The following MPPED1 variants were observed in gnomAD, a reference collection of about 807,000 sequenced individuals.
The protein encoded by MPPED1 is metallophosphoesterase domain-containing protein 1.
A neutral mutation model predicts 36.2 loss-of-function variants in MPPED1; 16 were observed. The observed-to-expected ratio is 0.44, with a 90% CI of 0.30 to 0.67. The LOEUF (loss-of-function observed/expected upper bound fraction) is 0.67. Among genes scored for constraint, MPPED1 ranks in the 30% least tolerant of loss-of-function variants. The probability of loss-of-function intolerance (pLI) is 0.10; values close to 1 mark genes in which losing one functional copy is unlikely to be tolerated. For synonymous variants in MPPED1, 199 were observed against 191.3 expected, an observed-to-expected ratio of 1.04 and a Z score of -0.33; for missense variants, 307 against 453.4, an observed-to-expected ratio of 0.68 and a Z score of 2.93.
intron 1 of MPPED1, among the ~76,000 whole-genome samples, chr22:43,415,843 C>A (rs1319190726): frequency 6.6e-6 from 1 of 152,220 alleles, no homozygotes; most frequent in Non-Finnish European, 1.5e-5. Flanking sequence ...CCCGTCTCCT[C>A]CTTCCAAGAA....
At chr22:43,447,003 C>T (rs1442935740) in intron 3 of MPPED1, among the ~76,000 whole-genome samples, 2 of 152,296 alleles carry the variant, frequency 1.3e-5, no homozygotes, top group Non-Finnish European at 2.9e-5. Context: ...TGCAGCTCAC[C>T]TGCCTCCCAG....
At chr22:43,483,697 A>G (rs1277024274) in intron 4 of MPPED1, among the ~76,000 whole-genome samples, 1 of 152,216 alleles carries the variant, frequency 6.6e-6, no homozygotes, top group Non-Finnish European at 1.5e-5. Flanking sequence ...TTGGCCAGCA[A>G]GGTACAATCT....
chr22:43,473,791 C>T (rs923877561), intron 3 of MPPED1, among the ~76,000 whole-genome samples: 42 of 152,094 alleles, frequency 2.8e-4, no homozygotes, highest in African/African-American at 9.4e-4. Context: ...GTGGGTGAGG[C>T]CTGCCGGGCA....
chr22:43,419,553 C>T (rs1311915601), intron 1 of MPPED1, among the ~76,000 whole-genome samples: 1 of 146,590 alleles, frequency 6.8e-6, no homozygotes, highest in Non-Finnish European at 1.5e-5. Context: ...GGGCCAGGTG[C>T]AGCCTCCTGA....
chr22:43,431,118 T>A (rs1353370114), intron 2 of MPPED1, among the ~76,000 whole-genome samples: 1 of 137,282 alleles, frequency 7.3e-6, no homozygotes, highest in Non-Finnish European at 1.5e-5. Context: ...CTCAGCTCAC[T>A]GTAACTTCCG....
chr22:43,442,161 TCTA>T (rs1349617545), intron 3 of MPPED1, among the ~76,000 whole-genome samples: 2 of 151,794 alleles, frequency 1.3e-5, no homozygotes, highest in Non-Finnish European at 2.9e-5. Flanking sequence ...CCTCCTCTCT[TCTA>T]CTTGGGGGTG....
intron 3 of MPPED1, among the ~76,000 whole-genome samples, chr22:43,439,286 T>G (rs1327539789): frequency 6.6e-6 from 1 of 152,226 alleles, no homozygotes; most frequent in Non-Finnish European, 1.5e-5. Context: ...ATATCCCAAA[T>G]GTATTCATGA....
intron 3 of MPPED1, among the ~76,000 whole-genome samples, chr22:43,458,357 C>G (rs905531408): frequency 6.6e-6 from 1 of 151,508 alleles, no homozygotes; most frequent in Non-Finnish European, 1.5e-5. Flanking sequence ...GTGATCTCGG[C>G]TCACTGCAAC....
chr22:43,505,008 T>C lies in MPPED1; in HGVS notation c.863-490T>C, dbSNP rs62638149. On this transcript the variant is annotated intron_variant, in intron 6 of 6. Transcript: ENST00000443721. ...ATGATGATGACGGTGATGGTAATGG[T>C]GGTGGAGGTAACAGTGAAGATGATG... is the stretch of plus-strand genomic sequence containing the variant. 3.8e-4 allele frequency among the ~76,000 whole-genome samples: 57 copies of C among 151,878 alleles called. 1 individual carries two copies. Among genetic ancestry groups the C allele is most frequent in the Non-Finnish European group, 6.2e-4 (42 of 67,968 alleles).
intron 4 of MPPED1, among the ~76,000 whole-genome samples, chr22:43,479,085 C>G (rs1931666770): frequency 6.6e-6 from 1 of 152,118 alleles, no homozygotes; most frequent in African/African-American, 2.4e-5. Context: ...TTGTGCACCC[C>G]CTCCCCAGCT....
Position 43,498,314 on chromosome 22 carries a change from G to A in MPPED1, c.712G>A (p.Gly238Ser). 6.5e-7 allele frequency: 1 copy of A among 1,535,390 alleles called. No individual in the cohort carries two copies. The highest frequency in any genetic ancestry group is 8.7e-7 in the Non-Finnish European group (1 of 1,146,528). The change falls in exon 5 of 7, where the codon GGC (glycine) becomes AGC (serine). Residue 238 changes from glycine (G) to serine (S), a missense_variant. Physicochemically the swap from Gly to Ser is moderately conservative, Grantham distance 56 (BLOSUM62 0). Transcript: ENST00000443721. ...LLEKWNLIPE[G>S]VDILITHGPP... ...GGAGAAATGGAACCTCATTCCCGAA[G>A]GCGTAGACATCCTGATAACCCATGG... is the stretch of plus-strand genomic sequence containing the variant.
intron 4 of MPPED1, among the ~76,000 whole-genome samples, chr22:43,486,763 A>C (rs367991423): frequency 9.2e-5 from 14 of 151,808 alleles, no homozygotes; most frequent in African/African-American, 3.4e-4. Context: ...AGGGGAGGTG[A>C]GCCTTCCTGG....
chr22:43,463,807 T>TTTTCTTTCTTTCTTTCTTTTTTTCTTTC (rs1931044072), intron 3 of MPPED1, among the ~76,000 whole-genome samples: 2 of 112,890 alleles, frequency 1.8e-5, no homozygotes, highest in Non-Finnish European at 3.7e-5. Flanking sequence ...TCATTTTTTC[T>TTTTCTTTCTTTCTTTCTTTTTTTCTTTC]TTTCTTTCTT....
chr22:43,432,309 G>C (rs9612070), intron 2 of MPPED1, among the ~76,000 whole-genome samples: 5 of 143,198 alleles, frequency 3.5e-5, no homozygotes, highest in African/African-American at 5.2e-5. Context: ...GGGAAAGAGA[G>C]AGAGAGAAAG....
chr22:43,457,510 A>G, intron 3 of MPPED1, among the ~76,000 whole-genome samples: 1 of 152,106 alleles, frequency 6.6e-6, no homozygotes, highest in Non-Finnish European at 1.5e-5. Context: ...TATGTTTAAT[A>G]TAACTACTGA....
chr22:43,492,741 C>T (rs1241811463), intron 4 of MPPED1, among the ~76,000 whole-genome samples: 1 of 152,176 alleles, frequency 6.6e-6, no homozygotes, highest in Non-Finnish European at 1.5e-5. Flanking sequence ...CTTCTTCTCC[C>T]CCAAGAACCG....
intron 3 of MPPED1, among the ~76,000 whole-genome samples, chr22:43,455,784 C>T (rs991961015): frequency 6.6e-5 from 10 of 152,186 alleles, no homozygotes; most frequent in Admixed American, 1.3e-4. Flanking sequence ...CCCTTTCCTC[C>T]ACCCCAATTG....
chr22:43,415,212 A>G (rs1334854002), intron 1 of MPPED1, among the ~76,000 whole-genome samples: 1 of 147,604 alleles, frequency 6.8e-6, no homozygotes, highest in Admixed American at 6.8e-5. Flanking sequence ...AGAGGTGACT[A>G]AAATGTCAAA....
intron 3 of MPPED1, among the ~76,000 whole-genome samples, chr22:43,443,243 G>A (rs1204011908): frequency 2.0e-5 from 3 of 152,208 alleles, no homozygotes; most frequent in Non-Finnish European, 2.9e-5. Context: ...TGATCCTGGT[G>A]ATCCTGGGCC....
Sources: allele counts gnomAD v4.1 joint callset (sites outside exome capture counted in the v4.1 genomes callset), GRCh38; gene constraint gnomAD v4.1.1; transcripts MANE v1.5; gene names NCBI Gene and HGNC (gene_info 2026-07-23, HGNC 2026-07-21).